TMCO5A: variants seen among roughly 807,000 people sequenced by gnomAD.
The protein encoded by TMCO5A is transmembrane and coiled-coil domains 5A.
Under a neutral mutation model 42.3 loss-of-function variants are expected in TMCO5A, and 34 were observed. That is an observed-to-expected ratio of 0.80 (90% CI 0.61 to 1.07). The LOEUF is 1.07. Ranked by LOEUF, TMCO5A falls within the 50% of genes least tolerant of loss-of-function variation. The pLI, the probability that TMCO5A is intolerant of heterozygous loss-of-function variation, is 0.00. For synonymous variants in TMCO5A, 131 were observed against 115.6 expected (o/e 1.13, Z -0.86); for missense variants, 357 against 327.9 (o/e 1.09, Z -0.69).
the TMCO5A span, among the ~76,000 whole-genome samples, chr15:38,015,932 A>G: frequency 6.6e-6 from 1 of 152,250 alleles, no homozygotes; most frequent in African/African-American, 2.4e-5. Flanking sequence ...TGCAGAGCAT[A>G]GAGGATTTTT....
At chr15:38,027,510 A>G in the TMCO5A span, among the ~76,000 whole-genome samples, 85,079 of 151,988 alleles carry the variant, frequency 0.56, 24,295 homozygotes, top group East Asian at 0.83. Flanking sequence ...TGGAAGAGAC[A>G]TGCTTTATCT....
At chr15:37,973,155 TC>T in the TMCO5A span, among the ~76,000 whole-genome samples, 1 of 134,528 alleles carries the variant, frequency 7.4e-6, no homozygotes, top group Non-Finnish European at 1.5e-5. Flanking sequence ...TTTCTTTTTT[TC>T]CTTTTTTTTT....
the TMCO5A span, among the ~76,000 whole-genome samples, chr15:38,033,680 G>A: frequency 6.6e-6 from 1 of 152,062 alleles, no homozygotes; most frequent in African/African-American, 2.4e-5. Flanking sequence ...AGGCTGGAGT[G>A]CAGTGGTGAA....
At chr15:37,953,859 G>A (rs183073345), downstream of TMCO5A, among the ~76,000 whole-genome samples, 205 of 151,880 alleles carry the variant, frequency 1.3e-3, 4 homozygotes, top group Non-Finnish European at 1.0e-3. Context: ...TTAACAAAGA[G>A]ATTAAAATAA....
the TMCO5A span, among the ~76,000 whole-genome samples, chr15:37,990,111 T>A: frequency 2.0e-5 from 3 of 152,166 alleles, no homozygotes; most frequent in Non-Finnish European, 2.9e-5. Flanking sequence ...TGTTGTTGAA[T>A]AAAGTGTTCT....
chr15:37,969,013 G>A (rs1890622501), downstream of TMCO5A, among the ~76,000 whole-genome samples: 1 of 152,204 alleles, frequency 6.6e-6, no homozygotes. Context: ...GGAATACATG[G>A]ATGAAGAAGA....
downstream of TMCO5A, among the ~76,000 whole-genome samples, chr15:37,971,125 C>A (rs542923924): frequency 6.6e-6 from 1 of 152,324 alleles, no homozygotes; most frequent in Admixed American, 6.5e-5. Flanking sequence ...CATGAGGACC[C>A]CGCCCCTGTA....
At chr15:38,031,722 C>T in the TMCO5A span, among the ~76,000 whole-genome samples, 4 of 152,124 alleles carry the variant, frequency 2.6e-5, no homozygotes, top group Admixed American at 6.5e-5. Flanking sequence ...CCAAAAATCA[C>T]CAGCTAAGCC....
At chr15:37,987,713 C>T in the TMCO5A span, among the ~76,000 whole-genome samples, 2 of 151,970 alleles carry the variant, frequency 1.3e-5, no homozygotes, top group African/African-American at 4.8e-5. Flanking sequence ...TATTCTGTTC[C>T]ATTGGCCAAT....
At chr15:37,961,976 A>C (rs543089428) in intron 11 of TMCO5A, among the ~76,000 whole-genome samples, 1 of 152,208 alleles carries the variant, frequency 6.6e-6, no homozygotes, top group Non-Finnish European at 1.5e-5. Context: ...CAATCATATC[A>C]TCAGCAAACA....
At position 37,937,330 on chromosome 15, in the gene TMCO5A, T is replaced by C. The variant is rs1889552497; in HGVS notation, c.265-16T>C. On this transcript the variant is annotated splice_polypyrimidine_tract_variant and intron_variant, in intron 4 of 11. Transcript: ENST00000319669. ...GAGTACAGAGGCAGATTTACACTGT[T>C]ATTTCTCTCTCACAGGAAAGGAAGA... is the stretch of plus-strand genomic sequence containing the variant. 1 of 1,612,914 alleles carries C rather than the reference T, an allele frequency of 6.2e-7. No homozygotes were observed. The highest frequency in any genetic ancestry group is 8.5e-7 in the Non-Finnish European group (1 of 1,179,222).
rs187910437 is a variant in TMCO5A, at chr15:37,964,857, A to G, written c.669-1768A>G. On this transcript the variant is annotated intron_variant, in intron 11 of 11. Transcript: ENST00000559502. Reference sequence around the variant, plus strand: ...ACTACCCAAAGCAATCTACAGATTTAGTGCAATTTTTATCAAAATACCAAC... The same window carrying G: ...ACTACCCAAAGCAATCTACAGATTTGGTGCAATTTTTATCAAAATACCAAC... Among the ~76,000 whole-genome samples, 5 of 152,308 alleles carry G rather than the reference A, an allele frequency of 3.3e-5. No homozygotes were observed. In the East Asian group the frequency reaches 9.7e-4, roughly 29 times the overall value.
intron 5 of TMCO5A, 99 bp downstream of exon 5, chr15:37,937,495 C>CAT: frequency 1.6e-6 from 2 of 1,279,282 alleles, no homozygotes; most frequent in South Asian, 1.2e-5. Flanking sequence ...ACCCATAAGT[C>CAT]AGAGAGGCCT....
At chr15:38,020,797 A>G in the TMCO5A span, among the ~76,000 whole-genome samples, 1 of 152,164 alleles carries the variant, frequency 6.6e-6, no homozygotes, top group African/African-American at 2.4e-5. Context: ...AATAAAAATA[A>G]GTTAACTAGT....
chr15:38,012,299 G>A, the TMCO5A span, among the ~76,000 whole-genome samples: 1 of 152,082 alleles, frequency 6.6e-6, no homozygotes, highest in Non-Finnish European at 1.5e-5. Context: ...AGAATCCATG[G>A]CTAGCCTTCA....
the TMCO5A span, among the ~76,000 whole-genome samples, chr15:37,985,676 G>C: frequency 6.6e-6 from 1 of 152,072 alleles, no homozygotes; most frequent in Admixed American, 6.6e-5. Context: ...GACCTTCTTT[G>C]AGTCCCTTTA....
the TMCO5A span, among the ~76,000 whole-genome samples, chr15:38,034,855 C>A: frequency 1.3e-5 from 2 of 152,112 alleles, no homozygotes; most frequent in Non-Finnish European, 2.9e-5. Context: ...TGGGTGTGAC[C>A]CTCCCTACAT....
At chr15:37,936,716 A>G (rs1889526175) in intron 3 of TMCO5A, 131 bp from the exon 4 acceptor site, 1 of 1,326,998 alleles carries the variant, frequency 7.5e-7, no homozygotes, top group Non-Finnish European at 1.0e-6. Flanking sequence ...TTATGGATTC[A>G]GTAAGGAAGA....
At chr15:38,004,670 C>T in the TMCO5A span, 4 of 152,364 alleles carry the variant, frequency 2.6e-5, no homozygotes, top group East Asian at 7.7e-4. Context: ...TAGGACAACA[C>T]TGAGGTCATA....
Sources: gnomAD v4.1 joint callset for allele counts (sites outside exome capture counted in the v4.1 genomes callset) on GRCh38, gnomAD v4.1.1 for gene constraint, MANE v1.5 for transcripts, NCBI Gene and HGNC (gene_info 2026-07-23, HGNC 2026-07-21) for gene names.